MPRIP: variants seen among roughly 807,000 people sequenced by gnomAD.
MPRIP encodes the protein myosin phosphatase Rho-interacting protein.
In MPRIP, 59 loss-of-function variants were observed where a neutral mutation model predicts 234.9. The ratio of observed to expected loss-of-function variants is 0.25; its 90% confidence interval spans 0.20 to 0.31. The LOEUF (loss-of-function observed/expected upper bound fraction) is 0.31, where lower values mean the gene tolerates loss of function less well. MPRIP is among the 10% of genes least tolerant of loss of function. MPRIP has a pLI of 1.00. For synonymous variants in MPRIP, 1,144 were observed against 1,263.9 expected, an observed-to-expected ratio of 0.91 and a Z score of 2.01; for missense variants, 2,436 against 3,071.0, an observed-to-expected ratio of 0.79 and a Z score of 4.89.
At chr17:17,172,997 T>A (rs2046178019) in intron 18 of MPRIP, among the ~76,000 whole-genome samples, 182 bp downstream of exon 18, 1 of 152,248 alleles carries the variant, frequency 6.6e-6, no homozygotes, top group Admixed American at 6.5e-5. Flanking sequence ...AAGTGGGGCC[T>A]CCTTTATTCA....
intron 1 of MPRIP, among the ~76,000 whole-genome samples, chr17:17,043,972 A>G (rs1266223837): frequency 6.6e-6 from 1 of 152,202 alleles, no homozygotes; most frequent in Non-Finnish European, 1.5e-5. Context: ...CCTGTCGCAG[A>G]AGAACCCCTT....
chr17:17,057,888 A>T (rs2088753533), intron 1 of MPRIP: 2 of 579,684 alleles, frequency 3.5e-6, no homozygotes, highest in South Asian at 4.4e-5. Context: ...GATGTACACA[A>T]AAGGATACAA....
intron 1 of MPRIP, among the ~76,000 whole-genome samples, chr17:17,047,824 T>C (rs1322108042): frequency 6.6e-6 from 1 of 152,154 alleles, no homozygotes; most frequent in Admixed American, 6.5e-5. Context: ...TTCTTAAGTC[T>C]TGGATGTGGA....
chr17:17,076,805 T>G (rs1222332616), intron 2 of MPRIP, among the ~76,000 whole-genome samples: 1 of 152,158 alleles, frequency 6.6e-6, no homozygotes, highest in Non-Finnish European at 1.5e-5. Flanking sequence ...TGTACAAAAT[T>G]GCCATTTCCA....
At chr17:17,172,079 G>A (rs1367783282) in intron 17 of MPRIP, among the ~76,000 whole-genome samples, 1 of 152,216 alleles carries the variant, frequency 6.6e-6, no homozygotes, top group Non-Finnish European at 1.5e-5. Context: ...TTCGACCCCT[G>A]ACAGCCCCGT....
At chr17:17,069,951 T>C (rs1224944244) in intron 1 of MPRIP, among the ~76,000 whole-genome samples, 1 of 152,196 alleles carries the variant, frequency 6.6e-6, no homozygotes, top group Non-Finnish European at 1.5e-5. Context: ...GCAAAAAACT[T>C]CTCTTAGTTT....
At chr17:17,043,386 C>A (rs144264556) in intron 1 of MPRIP, among the ~76,000 whole-genome samples, 1 of 152,054 alleles carries the variant, frequency 6.6e-6, no homozygotes, top group Non-Finnish European at 1.5e-5. Context: ...TCTAGTGGGA[C>A]GCAGCCTGCC....
intron 3 of MPRIP, among the ~76,000 whole-genome samples, chr17:17,107,392 G>A (rs2090083731): frequency 6.6e-6 from 1 of 152,242 alleles, no homozygotes; most frequent in South Asian, 2.1e-4. Context: ...TAGATGTGGG[G>A]AGCAGGAGCC....
intron 9 of MPRIP, among the ~76,000 whole-genome samples, chr17:17,143,995 G>A (rs2045400376): frequency 6.6e-6 from 1 of 152,236 alleles, no homozygotes; most frequent in Non-Finnish European, 1.5e-5. Context: ...CTGGCTTTGG[G>A]CATTGCTTTT....
At chr17:17,055,437 C>T (rs1037029951) in intron 1 of MPRIP, among the ~76,000 whole-genome samples, 2 of 152,234 alleles carry the variant, frequency 1.3e-5, no homozygotes, top group Admixed American at 6.5e-5. Context: ...CTGGCCAGGA[C>T]GTTTCGTGGC....
intron 13 of MPRIP, 26 bp from the exon 14 acceptor site, chr17:17,158,406 G>A: frequency 3.3e-6 from 5 of 1,529,020 alleles, no homozygotes; most frequent in Non-Finnish European, 4.4e-6. Flanking sequence ...CCCCTGACAG[G>A]CTATGTCCAT....
At position 17,189,432 on chromosome 17, in the gene MPRIP, G is replaced by C. The variant is rs1020377172; in HGVS notation, c.*4538G>C. On this transcript the variant is annotated 3_prime_UTR_variant, in exon 24 of 24. Transcript: ENST00000651222. ...TCTCGATTTCCTGACCTCGTGATCC[G>C]CCTGTCTCGGCCTCCCAAAGTGCTG... is the stretch of plus-strand genomic sequence containing the variant. 1.3e-5 allele frequency: 2 copies of C among 151,550 alleles called. No individual in the cohort carries two copies. Among genetic ancestry groups the C allele is most frequent in the African/African-American group, 4.8e-5 (2 of 41,256 alleles). The allele number at this position is 151,550 out of a possible 1,614,324, so 9.4% of individuals were successfully genotyped here.
Position 17,185,133 on chromosome 17 carries a change from C to T in MPRIP, c.*239C>T. The T allele has an allele frequency of 2.6e-6, 1 of 388,320 alleles. No homozygotes were observed. The highest frequency in any genetic ancestry group is 4.9e-6 in the Non-Finnish European group (1 of 202,652). The allele number at this position is 388,320 out of a possible 1,614,324, so 24.1% of individuals were successfully genotyped here. Reference sequence around the variant, plus strand: ...TTTCCGTGGTATTCTAAAATTAGGCCAGCAGTGGGGGCTGGGAGGGCATCT... The same window carrying T: ...TTTCCGTGGTATTCTAAAATTAGGCTAGCAGTGGGGGCTGGGAGGGCATCT... On this transcript the variant is annotated 3_prime_UTR_variant, in exon 24 of 24. Coordinates refer to ENST00000651222, the MANE Select transcript of MPRIP (RefSeq NM_001364716.4).
At chr17:17,091,987 G>T (rs1187877494) in intron 3 of MPRIP, among the ~76,000 whole-genome samples, 1 of 152,226 alleles carries the variant, frequency 6.6e-6, no homozygotes, top group Non-Finnish European at 1.5e-5. Context: ...TGCTCTTTTT[G>T]GGTGATGCTA....
rs369573954 is a variant in MPRIP at position 17,175,355 on chromosome 17, C to T, written c.6813C>T (p.Gly2271=). 2.5e-6 allele frequency: 4 copies of T among 1,613,206 alleles called. No homozygotes were observed. The highest frequency in any genetic ancestry group is 3.4e-6 in the Non-Finnish European group (4 of 1,179,942). The part of the protein sequence containing the change: ...TRLRTLLTGD[G]GGEATGSPLA... ...TGCGGACGCTGCTGACTGGGGACGG[C>T]GGTGGGGAGGCCACTGGGTCACCCC... Residue 2271 remains glycine (G), a synonymous_variant, in exon 20 of 24, where the codon GGC becomes GGT. Transcript: ENST00000651222.
rs190359851 is a variant in MPRIP, at chr17:17,120,928, C to A, written c.268-5774C>A. 1.4e-3 allele frequency among the ~76,000 whole-genome samples: 206 copies of A among 152,268 alleles called. 1 individual carries two copies. The highest frequency in any genetic ancestry group is 2.8e-3 in the Admixed American group (43 of 15,292). On this transcript the variant is annotated intron_variant, in intron 3 of 23. Transcript: ENST00000651222. ...AGACACAGATGGTTGTATCCTGCCC[C>A]CTAGGCAGAGGCAGGGGAGGGGAGA...
At chr17:17,087,055 GC>G (rs1336992117) in intron 3 of MPRIP, among the ~76,000 whole-genome samples, 1 of 152,166 alleles carries the variant, frequency 6.6e-6, no homozygotes, top group African/African-American at 2.4e-5. Flanking sequence ...TTGCACCTCT[GC>G]CCAGAGGCCC....
chr17:17,054,078 C>T (rs1406644007), intron 1 of MPRIP, among the ~76,000 whole-genome samples: 1 of 152,132 alleles, frequency 6.6e-6, no homozygotes, highest in Non-Finnish European at 1.5e-5. Flanking sequence ...AATAAAGATC[C>T]AAAGTATTTC....
intron 1 of MPRIP, among the ~76,000 whole-genome samples, chr17:17,062,939 C>T (rs555654626): frequency 1.8e-4 from 27 of 152,354 alleles, no homozygotes; most frequent in African/African-American, 5.3e-4. Flanking sequence ...TGTCCACACC[C>T]TGTCTCTTGT....
Sources: gnomAD v4.1 joint callset for allele counts (sites outside exome capture counted in the v4.1 genomes callset) on GRCh38, gnomAD v4.1.1 for gene constraint, MANE v1.5 for transcripts, NCBI Gene and HGNC (gene_info 2026-07-23, HGNC 2026-07-21) for gene names.